CLASP1: variants seen among roughly 807,000 people sequenced by gnomAD.
The protein encoded by CLASP1 is cytoplasmic linker associated protein 1.
A neutral mutation model predicts 192.3 loss-of-function variants in CLASP1; 38 were observed. The observed-to-expected ratio is 0.20, with a 90% CI of 0.15 to 0.26. The LOEUF (loss-of-function observed/expected upper bound fraction) is 0.26. CLASP1 is among the 10% of genes least tolerant of loss of function. The pLI is 1.00. For missense variants in CLASP1, 1,433 were observed against 1,932.5 expected, an observed-to-expected ratio of 0.74 and a Z score of 4.85; for synonymous variants, 691 against 712.8, an observed-to-expected ratio of 0.97 and a Z score of 0.49.
intron 19 of CLASP1, among the ~76,000 whole-genome samples, chr2:121,433,557 C>A (rs1483914328): frequency 6.6e-6 from 1 of 152,148 alleles, no homozygotes; most frequent in Admixed American, 6.5e-5. Flanking sequence ...GAGTTTGACA[C>A]CAGCTTGGCT....
At chr2:121,456,216 A>C (rs2086629042) in intron 14 of CLASP1, among the ~76,000 whole-genome samples, 1 of 151,864 alleles carries the variant, frequency 6.6e-6, no homozygotes, top group South Asian at 2.1e-4. Flanking sequence ...TAAAAAAACA[A>C]AGATTGGGCA....
At position 121,478,733 on chromosome 2, in the gene CLASP1, ACACACACCC is replaced by A. The variant is rs1353978281; in HGVS notation, c.713-8782_713-8774del. On this transcript the variant is annotated intron_variant, in intron 8 of 39. Transcript: ENST00000263710. Reference sequence around the variant, plus strand: ...ACACACACAACCACACACACACCACACACACACCCCACACACACCACACACACACCACAC... The same window carrying A: ...ACACACACAACCACACACACACCACACACACACACCACACACACACCACAC... Among the ~76,000 whole-genome samples, 34 of 84,114 alleles carry A rather than the reference ACACACACCC, an allele frequency of 4.0e-4. 1 individual carries two copies. Among genetic ancestry groups the A allele is most frequent in the East Asian group, 1.9e-3 (5 of 2,574 alleles). 55.2% of individuals were successfully genotyped at this position (84,114 alleles called of 152,430 possible).
At chr2:121,614,567 C>T (rs2066153706) in intron 1 of CLASP1, among the ~76,000 whole-genome samples, 1 of 152,130 alleles carries the variant, frequency 6.6e-6, no homozygotes, top group East Asian at 1.9e-4. Context: ...ATAGGAGGAG[C>T]TACAAAATAC....
chr2:121,482,515 A>G (rs945209795), intron 8 of CLASP1, among the ~76,000 whole-genome samples: 1 of 152,334 alleles, frequency 6.6e-6, no homozygotes, highest in East Asian at 1.9e-4. Context: ...ATCTCTAAAC[A>G]TATGTCAGAA....
intron 1 of CLASP1, among the ~76,000 whole-genome samples, chr2:121,642,769 T>C (rs2072390696): frequency 6.6e-6 from 1 of 152,156 alleles, no homozygotes; most frequent in Admixed American, 6.6e-5. Context: ...ATTTGCCATA[T>C]TAAGCAAAAT....
intron 19 of CLASP1, among the ~76,000 whole-genome samples, chr2:121,441,760 T>G (rs148657096): frequency 0.013 from 2,045 of 152,108 alleles, 42 homozygotes; most frequent in African/African-American, 0.046. Context: ...AAAAAAAAAT[T>G]TCCTTCATAT....
At chr2:121,501,614 A>G (rs772173051) in intron 8 of CLASP1, among the ~76,000 whole-genome samples, 2 of 152,216 alleles carry the variant, frequency 1.3e-5, no homozygotes, top group Non-Finnish European at 2.9e-5. Flanking sequence ...AAAAAGAAAT[A>G]AGGAGGATTA....
At chr2:121,397,365 T>A in intron 29 of CLASP1, 82 bp from the exon 31 acceptor site, 2 of 1,223,474 alleles carry the variant, frequency 1.6e-6, no homozygotes, top group Middle Eastern at 1.9e-4. Flanking sequence ...CAGAGAAAAG[T>A]AAACCCTGGT....
chr2:121,373,202 G>T (rs891540850), intron 34 of CLASP1, among the ~76,000 whole-genome samples: 3 of 152,150 alleles, frequency 2.0e-5, no homozygotes, highest in Non-Finnish European at 4.4e-5. Context: ...TTGTTTAGAA[G>T]TGTGTAGCAC....
Position 121,578,290 on chromosome 2 carries a change from T to C in CLASP1, c.195+27411A>G, listed in dbSNP as rs564660100. On this transcript the variant is annotated intron_variant, in intron 2 of 39. Transcript: ENST00000263710. ...GAAACAAACAAACAAACAAAAAACC[T>C]GCATGCCTGCAGTCCCAGCTACTCA... Among the ~76,000 whole-genome samples the C allele has an allele frequency of 1.4e-3, 210 of 151,932 alleles. 1 individual carries two copies. Among genetic ancestry groups the C allele is most frequent in the African/African-American group, 4.9e-3 (204 of 41,448 alleles).
intron 5 of CLASP1, 74 bp downstream of exon 5, chr2:121,527,725 T>A (rs2104680666): frequency 8.6e-7 from 1 of 1,169,380 alleles, no homozygotes; most frequent in South Asian, 1.4e-5. Flanking sequence ...TTCCTGTAAA[T>A]CTATAATTAT....
intron 7 of CLASP1, among the ~76,000 whole-genome samples, chr2:121,506,936 A>C (rs72969358): frequency 0.041 from 6,168 of 152,262 alleles, 165 homozygotes; most frequent in East Asian, 0.14. Flanking sequence ...AAACAATAAA[A>C]AGCAACAACA....
At chr2:121,562,971 A>C (rs771845376) in intron 2 of CLASP1, among the ~76,000 whole-genome samples, 28 of 152,312 alleles carry the variant, frequency 1.8e-4, no homozygotes, top group Middle Eastern at 6.8e-3. Context: ...AGGCCAAGCT[A>C]ATCACGTGAC....
At chr2:121,478,793 C>CA (rs2092114244) in intron 8 of CLASP1, among the ~76,000 whole-genome samples, 2 of 43,902 alleles carry the variant, frequency 4.6e-5, no homozygotes, top group East Asian at 7.3e-4. Context: ...CCCACACACA[C>CA]CACACACCAC....
chr2:121,531,283 G>C (rs2094860437), intron 2 of CLASP1, among the ~76,000 whole-genome samples: 1 of 152,154 alleles, frequency 6.6e-6, no homozygotes, highest in Non-Finnish European at 1.5e-5. Context: ...AGTTTCAGTA[G>C]GTCTTTGCAC....
At chr2:121,484,362 A>G (rs2092826892) in intron 8 of CLASP1, among the ~76,000 whole-genome samples, 2 of 152,248 alleles carry the variant, frequency 1.3e-5, no homozygotes, top group Admixed American at 1.3e-4. Context: ...CTGCCCACAT[A>G]ATAATCACAT....
Position 121,491,890 on chromosome 2 carries a change from A to G in CLASP1, c.712+11277T>C, listed in dbSNP as rs546720280. The stretch of plus-strand genomic sequence containing the variant: ...GGGTTTCATATAAATATTAAGCATC[A>G]GAGAACAACATAATTTTGAACATCT... On this transcript the variant is annotated intron_variant, in intron 8 of 39. Coordinates refer to ENST00000263710, the Ensembl canonical transcript of CLASP1. Among the ~76,000 whole-genome samples, 7 of 152,362 alleles carry G rather than the reference A, an allele frequency of 4.6e-5. No individual in the cohort carries two copies. The South Asian group carries it at 1.4e-3, about 32-fold the overall frequency.
intron 2 of CLASP1, among the ~76,000 whole-genome samples, chr2:121,568,028 G>T (rs1166094146): frequency 6.6e-6 from 1 of 152,126 alleles, no homozygotes; most frequent in Non-Finnish European, 1.5e-5. Flanking sequence ...AAAGATCAAG[G>T]CTTTATACAC....
chr2:121,440,007 G>A lies in CLASP1; in HGVS notation c.1912+7330C>T, dbSNP rs867177908. On this transcript the variant is annotated intron_variant, in intron 19 of 39. Coordinates refer to ENST00000263710, the Ensembl canonical transcript of CLASP1. ...TAGATGACGAGTTAGTGGGTGCAGC[G>A]CACCAGCATGGCACACGTATACATA... Among the ~76,000 whole-genome samples the A allele has an allele frequency of 1.0e-4, 15 of 146,614 alleles. No individual in the cohort carries two copies. The South Asian group carries it at 2.0e-3, about 19-fold the overall frequency.
Sources: allele counts gnomAD v4.1 joint callset (sites outside exome capture counted in the v4.1 genomes callset), GRCh38; gene constraint gnomAD v4.1.1; transcripts MANE v1.5; gene names NCBI Gene and HGNC (gene_info 2026-07-23, HGNC 2026-07-21).